Variants in ACVR1B observed in about 807,000 individuals in gnomAD.
The protein encoded by ACVR1B is activin receptor type-1B.
Under a neutral mutation model 55.6 loss-of-function variants are expected in ACVR1B, and 15 were observed. The observed-to-expected ratio is 0.27, with a 90% CI of 0.18 to 0.42. ACVR1B has a LOEUF of 0.42. ACVR1B is among the 10% of genes least tolerant of loss of function. The probability of loss-of-function intolerance (pLI) is 1.00; values close to 1 mark genes in which losing one functional copy is unlikely to be tolerated. For synonymous variants in ACVR1B, 247 were observed against 254.6 expected, an observed-to-expected ratio of 0.97 and a Z score of 0.28; for missense variants, 359 against 670.1, an observed-to-expected ratio of 0.54 and a Z score of 5.13.
At chr12:51,966,055 A>G (rs1269845452) in intron 1 of ACVR1B, among the ~76,000 whole-genome samples, 1 of 151,994 alleles carries the variant, frequency 6.6e-6, no homozygotes, top group East Asian at 1.9e-4. Flanking sequence ...AGAAGAGGAA[A>G]ATACTACTAA....
intron 3 of ACVR1B, among the ~76,000 whole-genome samples, chr12:51,979,431 C>T (rs1941935448): frequency 7.3e-6 from 1 of 136,690 alleles, no homozygotes. Context: ...CATACCATTG[C>T]ATTCCAGCCT....
intron 7 of ACVR1B, 123 bp from the exon 8 acceptor site, chr12:51,991,740 A>G: frequency 9.2e-7 from 1 of 1,081,434 alleles, no homozygotes. Flanking sequence ...AGAATTAACT[A>G]ACTTTCTAAG....
intron 8 of ACVR1B, among the ~76,000 whole-genome samples, chr12:51,992,873 G>A (rs1237254865): frequency 1.3e-5 from 2 of 152,098 alleles, no homozygotes; most frequent in East Asian, 3.8e-4. Flanking sequence ...TGTGACATAC[G>A]TACTAATAAA....
rs1474606507 is a variant in ACVR1B at position 51,996,528 on chromosome 12, C to T, written c.*2418C>T. ...CCCACCTATCCGCCCTGCAGCAGAACCTTGGCGGTTTATAGGTAATGATGG... is the reference window on the plus strand; with the variant it reads ...CCCACCTATCCGCCCTGCAGCAGAATCTTGGCGGTTTATAGGTAATGATGG... On this transcript the variant is annotated 3_prime_UTR_variant, in exon 9 of 9. Transcript: ENST00000257963. 1 of 152,684 alleles carries T rather than the reference C, an allele frequency of 6.5e-6. No individual in the cohort carries two copies. The highest frequency in any genetic ancestry group is 6.5e-5 in the Admixed American group (1 of 15,290). The allele number at this position is 152,684 out of a possible 1,614,324, so 9.5% of individuals were successfully genotyped here.
chr12:51,972,438 G>A, intron 1 of ACVR1B, among the ~76,000 whole-genome samples: 1 of 152,148 alleles, frequency 6.6e-6, no homozygotes, highest in East Asian at 1.9e-4. Flanking sequence ...GTTGCCTACA[G>A]TATTCAGTAC....
intron 1 of ACVR1B, among the ~76,000 whole-genome samples, chr12:51,958,087 A>T (rs931909872): frequency 1.1e-4 from 16 of 152,224 alleles, no homozygotes; most frequent in African/African-American, 3.6e-4. Flanking sequence ...GCAGGAAGGT[A>T]CCATGAATGT....
At chr12:51,956,190 G>A (rs989877270) in intron 1 of ACVR1B, among the ~76,000 whole-genome samples, 3 of 152,144 alleles carry the variant, frequency 2.0e-5, no homozygotes, top group Non-Finnish European at 4.4e-5. Context: ...AGGCAACTCT[G>A]GGCTTTTTGG....
chr12:51,960,793 C>T (rs1391761852), intron 1 of ACVR1B, among the ~76,000 whole-genome samples: 1 of 152,212 alleles, frequency 6.6e-6, no homozygotes, highest in Non-Finnish European at 1.5e-5. Context: ...TGTTTTCCAT[C>T]CTACGGCTAG....
intron 1 of ACVR1B, among the ~76,000 whole-genome samples, chr12:51,964,384 G>A (rs771997): frequency 0.43 from 64,776 of 152,082 alleles, 15,571 homozygotes; most frequent in African/African-American, 0.64. Flanking sequence ...ATTTTCAGAT[G>A]TATGATTTGC....
At chr12:51,979,040 A>G (rs1006842961) in intron 3 of ACVR1B, among the ~76,000 whole-genome samples, 7 of 150,098 alleles carry the variant, frequency 4.7e-5, no homozygotes, top group African/African-American at 1.7e-4. Context: ...GCACACGCCT[A>G]TAATTCCAGC....
chr12:51,989,459 G>A (rs939787580), intron 7 of ACVR1B, among the ~76,000 whole-genome samples: 4 of 151,648 alleles, frequency 2.6e-5, no homozygotes, highest in African/African-American at 9.7e-5. Flanking sequence ...TGATTTTTCT[G>A]TTTTTAGTAG....
intron 7 of ACVR1B, among the ~76,000 whole-genome samples, chr12:51,990,652 A>G (rs2120749506): frequency 6.6e-6 from 1 of 152,086 alleles, no homozygotes; most frequent in East Asian, 1.9e-4. Flanking sequence ...CAGTGTTGAG[A>G]TTTCCCCAGT....
At chr12:51,979,757 A>AT (rs1472371309) in intron 3 of ACVR1B, among the ~76,000 whole-genome samples, 1 of 151,904 alleles carries the variant, frequency 6.6e-6, no homozygotes, top group Non-Finnish European at 1.5e-5. Context: ...ATGAATGTTC[A>AT]TTTTTTCCTT....
chr12:51,975,656 C>A, intron 2 of ACVR1B, 152 bp downstream of exon 2: 1 of 1,164,838 alleles, frequency 8.6e-7, no homozygotes, highest in Non-Finnish European at 1.2e-6. Flanking sequence ...GGTTTCTCAG[C>A]AGTTGCTTTT....
chr12:51,977,300 T>C, intron 3 of ACVR1B, among the ~76,000 whole-genome samples: 1 of 152,162 alleles, frequency 6.6e-6, no homozygotes, highest in East Asian at 1.9e-4. Context: ...TACTTATTTA[T>C]GTATTTATTT....
intron 7 of ACVR1B, among the ~76,000 whole-genome samples, chr12:51,989,951 C>G (rs1942157004): frequency 6.6e-6 from 1 of 152,036 alleles, no homozygotes; most frequent in Non-Finnish European, 1.5e-5. Flanking sequence ...TGCCACTGCA[C>G]TCCAGCCTGG....
intron 1 of ACVR1B, among the ~76,000 whole-genome samples, chr12:51,974,442 A>T (rs934620402): frequency 2.0e-5 from 3 of 152,018 alleles, no homozygotes; most frequent in Non-Finnish European, 4.4e-5. Flanking sequence ...CTTATGTATG[A>T]TAGTTACCCA....
intron 1 of ACVR1B, among the ~76,000 whole-genome samples, chr12:51,952,695 G>A (rs992985018): frequency 1.3e-4 from 20 of 152,196 alleles, no homozygotes; most frequent in African/African-American, 4.3e-4. Context: ...TGCCTTTCAG[G>A]TGAAATCCTG....
rs1441793006 is a variant in ACVR1B, at chr12:51,994,147, G to T, written c.*37G>T. 2.5e-6 allele frequency: 4 copies of T among 1,608,420 alleles called. No individual in the cohort carries two copies. Among genetic ancestry groups the T allele is most frequent in the Non-Finnish European group, 2.5e-6 (3 of 1,179,414 alleles). On this transcript the variant is annotated 3_prime_UTR_variant, in exon 9 of 9. Coordinates refer to ENST00000257963, the MANE Select transcript of ACVR1B (RefSeq NM_004302.5). The surrounding 1 kb of genome is among the most constrained non-coding windows in gnomAD (Gnocchi z 4.2). Reference sequence around the variant, plus strand: ...CTCCACACGGAGCTCCTGGCAGCGAGAACTACGCACAGCTGCCGCGTTGAG... The same window carrying T: ...CTCCACACGGAGCTCCTGGCAGCGATAACTACGCACAGCTGCCGCGTTGAG...
Sources: allele counts gnomAD v4.1 joint callset (sites outside exome capture counted in the v4.1 genomes callset), GRCh38; gene constraint gnomAD v4.1.1; non-coding constraint Gnocchi (gnomAD v3.1); transcripts MANE v1.5; gene names NCBI Gene and HGNC (gene_info 2026-07-23, HGNC 2026-07-21).